Variants in PAPPA observed in about 807,000 individuals in gnomAD.
The protein encoded by PAPPA is pappalysin 1.
Under a neutral mutation model 164.0 loss-of-function variants are expected in PAPPA, and 60 were observed. The ratio of observed to expected loss-of-function variants is 0.37; its 90% CI spans 0.30 to 0.45. PAPPA has a LOEUF of 0.45. PAPPA is among the 20% of genes least tolerant of loss of function. The pLI, the probability that PAPPA is intolerant of heterozygous loss-of-function variation, is 1.00. For synonymous variants in PAPPA, 875 were observed against 814.1 expected (o/e 1.07, Z -1.27); for missense variants, 1,782 against 2,087.3 (o/e 0.85, Z 2.85).
intron 9 of PAPPA, among the ~76,000 whole-genome samples, chr9:116,293,453 T>C (rs1845461783): frequency 6.6e-6 from 1 of 152,200 alleles, no homozygotes. Context: ...TAGAACTGAA[T>C]CTTAATGGAA....
intron 8 of PAPPA, among the ~76,000 whole-genome samples, chr9:116,269,897 G>A (rs539759249): frequency 1.3e-5 from 2 of 152,298 alleles, no homozygotes; most frequent in East Asian, 3.9e-4. Context: ...CTTCTTCTTT[G>A]CTCATAGGTG....
chr9:116,191,909 C>T (rs960079012), intron 2 of PAPPA, among the ~76,000 whole-genome samples: 4 of 152,084 alleles, frequency 2.6e-5, no homozygotes, highest in African/African-American at 7.2e-5. Flanking sequence ...TACTCTAGGG[C>T]GGGCAACCAT....
At chr9:116,215,205 G>A (rs1029371316) in intron 4 of PAPPA, among the ~76,000 whole-genome samples, 6 of 152,088 alleles carry the variant, frequency 3.9e-5, no homozygotes, top group African/African-American at 9.7e-5. Flanking sequence ...TTGAATGTTC[G>A]GTGCCCAGCT....
chr9:116,355,845 T>C (rs1251435338), intron 17 of PAPPA, among the ~76,000 whole-genome samples: 1 of 152,202 alleles, frequency 6.6e-6, no homozygotes, highest in East Asian at 1.9e-4. Context: ...GCTCAAAGAA[T>C]GAGGGTGTGC....
intron 10 of PAPPA, among the ~76,000 whole-genome samples, chr9:116,324,339 T>C (rs1845896232): frequency 6.6e-6 from 1 of 152,174 alleles, no homozygotes; most frequent in Non-Finnish European, 1.5e-5. Flanking sequence ...CACAGAGTCA[T>C]GGTGAGCACT....
chr9:116,289,288 A>T lies in PAPPA; in HGVS notation c.2954-13469A>T, dbSNP rs141317261. Reference sequence around the variant, plus strand: ...ATATATAGCATATATATAGCATATAAATAGCATATATATAGCATATATATG... The same window carrying T: ...ATATATAGCATATATATAGCATATATATAGCATATATATAGCATATATATG... On this transcript the variant is annotated intron_variant, in intron 9 of 21. Transcript: ENST00000328252. Among the ~76,000 whole-genome samples, 128 of 25,622 alleles carry T rather than the reference A, an allele frequency of 5.0e-3. 27 individuals carry two copies. The highest frequency in any genetic ancestry group is 6.2e-3 in the Non-Finnish European group (67 of 10,726). The allele number at this position is 25,622 out of a possible 152,430, so 16.8% of individuals were successfully genotyped here.
At chr9:116,269,564 A>G (rs1845114040) in intron 8 of PAPPA, among the ~76,000 whole-genome samples, 2 of 152,212 alleles carry the variant, frequency 1.3e-5, no homozygotes, top group African/African-American at 2.4e-5. Flanking sequence ...GTGGACACAG[A>G]GAAAGATGGC....
intron 3 of PAPPA, among the ~76,000 whole-genome samples, chr9:116,208,256 T>C (rs1844262051): frequency 6.6e-6 from 1 of 152,230 alleles, no homozygotes; most frequent in Non-Finnish European, 1.5e-5. Flanking sequence ...ATTTTTTCCA[T>C]GCTCTCTTCC....
intron 10 of PAPPA, among the ~76,000 whole-genome samples, chr9:116,313,939 T>C (rs1427888989): frequency 6.6e-6 from 1 of 151,838 alleles, no homozygotes; most frequent in Admixed American, 6.6e-5. Flanking sequence ...ATCTGTAAAA[T>C]TAAATAATTA....
Position 116,352,733 on chromosome 9 carries a change from A to G in PAPPA, c.3992A>G (p.Glu1331Gly), listed in dbSNP as rs766419385. Residue 1331 changes from glutamate (E) to glycine (G), a missense_variant, in exon 16 of 22, where the codon GAG becomes GGG. Around this residue, in one of 2 missense-constraint regions of PAPPA, gnomAD observed 1,324 missense variants for 1,656.9 expected, o/e 0.80. Transcript: ENST00000328252. ...AACAACAGCCTCCTGACCTGCATGG[A>G]GGATGGGCTGTGGTCCTTCCCAGAG... is the stretch of plus-strand genomic sequence containing the variant. Reference protein sequence around the residue: ...KGNNSLLTCMEDGLWSFPEAL... With the variant: ...KGNNSLLTCMGDGLWSFPEAL... 2 of 1,613,154 alleles carry G rather than the reference A, an allele frequency of 1.2e-6. No individual in the cohort carries two copies. Among genetic ancestry groups the G allele is most frequent in the South Asian group, 1.1e-5 (1 of 91,022 alleles).
chr9:116,233,614 C>A (rs1358820288), intron 6 of PAPPA, among the ~76,000 whole-genome samples: 1 of 152,018 alleles, frequency 6.6e-6, no homozygotes, highest in African/African-American at 2.4e-5. Flanking sequence ...ATTTTCTCAC[C>A]CCTCCTTCTC....
intron 1 of PAPPA, among the ~76,000 whole-genome samples, chr9:116,158,943 G>A (rs1435120640): frequency 3.3e-5 from 5 of 152,186 alleles, no homozygotes; most frequent in Admixed American, 2.0e-4. Context: ...CAGTCTTTTT[G>A]GAGAGAGAAG....
chr9:116,237,595 C>T (rs1455356508), intron 7 of PAPPA, among the ~76,000 whole-genome samples: 1 of 152,162 alleles, frequency 6.6e-6, no homozygotes, highest in Non-Finnish European at 1.5e-5. Flanking sequence ...GTTCTATTCT[C>T]AGCAAAATCT....
intron 17 of PAPPA, among the ~76,000 whole-genome samples, chr9:116,356,607 T>C (rs1427274879): frequency 1.3e-5 from 2 of 152,226 alleles, no homozygotes; most frequent in Admixed American, 1.3e-4. Flanking sequence ...ATTTATTAAA[T>C]AGGGAATCTT....
At chr9:116,202,365 G>T (rs993938767) in intron 2 of PAPPA, among the ~76,000 whole-genome samples, 2 of 152,160 alleles carry the variant, frequency 1.3e-5, no homozygotes, top group Non-Finnish European at 2.9e-5. Flanking sequence ...TTACCAACGA[G>T]TGAGATGCAT....
intron 9 of PAPPA, among the ~76,000 whole-genome samples, chr9:116,283,846 G>A (rs1286293647): frequency 6.6e-6 from 1 of 151,968 alleles, no homozygotes; most frequent in Non-Finnish European, 1.5e-5. Context: ...TTTGTCCCGT[G>A]TGCATTTTGC....
At chr9:116,225,806 T>TATCCATCCATCC (rs376275323) in intron 5 of PAPPA, among the ~76,000 whole-genome samples, 126 of 151,420 alleles carry the variant, frequency 8.3e-4, no homozygotes, top group African/African-American at 2.8e-3. Flanking sequence ...AAGTGACTGG[T>TATCCATCCATCC]ATCCATCCAT....
chr9:116,332,585 CT>C (rs1326182372), intron 12 of PAPPA, 117 bp downstream of exon 12: 1 of 941,456 alleles, frequency 1.1e-6, no homozygotes, highest in Non-Finnish European at 1.6e-6. Flanking sequence ...CCCTTTCTTG[CT>C]TCTTTTCTAT....
intron 10 of PAPPA, among the ~76,000 whole-genome samples, chr9:116,320,409 TC>T (rs1845839481): frequency 6.6e-6 from 1 of 152,220 alleles, no homozygotes; most frequent in South Asian, 2.1e-4. Flanking sequence ...AGAAAGTGTC[TC>T]CTGGGTAGAG....
Sources: allele counts gnomAD v4.1 joint callset (sites outside exome capture counted in the v4.1 genomes callset), GRCh38; gene constraint gnomAD v4.1.1; regional missense constraint gnomAD v4.1.1; transcripts MANE v1.5; gene names NCBI Gene and HGNC (gene_info 2026-07-23, HGNC 2026-07-21).